ST6GALNAC5: variants seen among roughly 807,000 people sequenced by gnomAD.
ST6GALNAC5 encodes the protein alpha-N-acetylgalactosaminide alpha-2,6-sialyltransferase 5.
Under a neutral mutation model 33.6 loss-of-function variants are expected in ST6GALNAC5, and 27 were observed. The ratio of observed to expected loss-of-function variants is 0.80; its 90% CI spans 0.59 to 1.11. ST6GALNAC5 has a LOEUF of 1.11. ST6GALNAC5 is among the 50% of genes least tolerant of loss of function. ST6GALNAC5 has a pLI of 0.00. For synonymous variants in ST6GALNAC5, 194 were observed against 171.2 expected (o/e 1.13, Z -1.04); for missense variants, 428 against 454.0 (o/e 0.94, Z 0.52).
In ST6GALNAC5 at chr1:76,868,606, A is replaced by G. The variant is rs1301106843; in HGVS notation, c.125A>G (p.Gln42Arg). The change falls in exon 2 of 5, where the codon CAG becomes CGG. Residue 42 changes from glutamine (Q) to arginine (R), a missense_variant. Coordinates refer to ENST00000477717, the MANE Select transcript of ST6GALNAC5 (RefSeq NM_030965.3). The surrounding 1 kb of genome is among the most constrained non-coding windows in gnomAD (Gnocchi z 4.3). ...QKERPPQQQQQQQQQQQQASA... is the reference protein window; with the variant it reads ...QKERPPQQQQRQQQQQQQASA... ...GAGCGGCCCCCGCAGCAGCAGCAGC[A>G]GCAGCAGCAACAGCAGCAGCAGGCG... The G allele has an allele frequency of 6.2e-7, 1 of 1,610,926 alleles. No individual in the cohort carries two copies. Among genetic ancestry groups the G allele is most frequent in the Non-Finnish European group, 8.5e-7 (1 of 1,179,378 alleles).
chr1:76,867,789 G>T (rs1458220357), intron 1 of ST6GALNAC5, 99 bp downstream of exon 1: 2 of 1,564,656 alleles, frequency 1.3e-6, no homozygotes, highest in Non-Finnish European at 1.8e-6. Context: ...CTAACCCTGG[G>T]CCGCGAGGTC....
At chr1:76,886,759 A>G (rs1439282834) in intron 2 of ST6GALNAC5, among the ~76,000 whole-genome samples, 1 of 152,190 alleles carries the variant, frequency 6.6e-6, no homozygotes, top group East Asian at 1.9e-4. Context: ...GTCTCTATGA[A>G]TTTGGCTGTT....
In ST6GALNAC5 at chr1:77,067,213, C is replaced by T. The variant is rs1652809376; in HGVS notation, c.*4007C>T. ...AGGTGTTAGCACATGCCAGAAGGTA[C>T]TTTGGAATGGAAAGAGGTGAGAGTG... is the stretch of plus-strand genomic sequence containing the variant. On this transcript the variant is annotated 3_prime_UTR_variant, in exon 5 of 5. Coordinates refer to ENST00000477717, the MANE Select transcript of ST6GALNAC5 (RefSeq NM_030965.3). Among the ~76,000 whole-genome samples the T allele has an allele frequency of 6.6e-6, 1 of 152,136 alleles. No homozygotes were observed. The highest frequency in any genetic ancestry group is 1.5e-5 in the Non-Finnish European group (1 of 68,024).
chr1:77,005,176 C>T (rs1364912395), intron 2 of ST6GALNAC5, among the ~76,000 whole-genome samples: 4 of 152,236 alleles, frequency 2.6e-5, no homozygotes, highest in Non-Finnish European at 2.9e-5. Flanking sequence ...AAGCCAGGTG[C>T]GGGATATAAT....
At chr1:76,998,831 CGT>C (rs1394499642) in intron 2 of ST6GALNAC5, among the ~76,000 whole-genome samples, 2 of 152,104 alleles carry the variant, frequency 1.3e-5, no homozygotes, top group African/African-American at 4.8e-5. Flanking sequence ...TAGTTTCTGC[CGT>C]TTGAATTACC....
At chr1:76,873,899 G>A (rs1040609102) in intron 2 of ST6GALNAC5, among the ~76,000 whole-genome samples, 4 of 152,152 alleles carry the variant, frequency 2.6e-5, no homozygotes, top group African/African-American at 9.7e-5. Flanking sequence ...TCAAAATTGA[G>A]CATTCTGGAG....
chr1:76,934,472 G>T (rs1024422214), intron 2 of ST6GALNAC5, among the ~76,000 whole-genome samples: 1 of 151,978 alleles, frequency 6.6e-6, no homozygotes, highest in African/African-American at 2.4e-5. Context: ...AAGACATATG[G>T]TAATTACTAT....
chr1:76,881,671 A>C (rs1381515588), intron 2 of ST6GALNAC5, among the ~76,000 whole-genome samples: 1 of 152,168 alleles, frequency 6.6e-6, no homozygotes, highest in Non-Finnish European at 1.5e-5. Flanking sequence ...ATATCTACAT[A>C]AAGATTTTGT....
chr1:76,948,943 G>C (rs1288670737), intron 2 of ST6GALNAC5, among the ~76,000 whole-genome samples: 1 of 152,078 alleles, frequency 6.6e-6, no homozygotes, highest in Non-Finnish European at 1.5e-5. Flanking sequence ...CCAATATTTT[G>C]GATGTCTCCC....
rs375124242 is a variant in ST6GALNAC5, at chr1:76,999,067, T to C, written c.262-45137T>C. ...TCAATTTATTCTTGTTCCAATACTG[T>C]AGGAAAATAAAAAGGTTAAAATTAC... On this transcript the variant is annotated intron_variant, in intron 2 of 4. Coordinates refer to ENST00000477717, the MANE Select transcript of ST6GALNAC5 (RefSeq NM_030965.3). Among the ~76,000 whole-genome samples, 157 of 152,252 alleles carry C rather than the reference T, an allele frequency of 1.0e-3. 3 individuals are homozygous for C. The South Asian group carries it at 0.032, about 31-fold the overall frequency.
At chr1:76,879,266 T>A (rs954234405) in intron 2 of ST6GALNAC5, among the ~76,000 whole-genome samples, 3 of 152,166 alleles carry the variant, frequency 2.0e-5, no homozygotes, top group Non-Finnish European at 4.4e-5. Context: ...TCACTCACAG[T>A]GAGTCATCTT....
chr1:76,913,305 C>T (rs1168401301), intron 2 of ST6GALNAC5, among the ~76,000 whole-genome samples: 1 of 151,454 alleles, frequency 6.6e-6, no homozygotes, highest in African/African-American at 2.5e-5. Context: ...GTCTGATGGG[C>T]TTCTCTTTGT....
At chr1:76,895,320 G>A (rs111417184) in intron 2 of ST6GALNAC5, among the ~76,000 whole-genome samples, 3 of 152,194 alleles carry the variant, frequency 2.0e-5, no homozygotes, top group East Asian at 1.9e-4. Context: ...GAGAATGGGC[G>A]ATGTTTCTCA....
intron 2 of ST6GALNAC5, among the ~76,000 whole-genome samples, chr1:76,973,250 A>G (rs1422399941): frequency 6.6e-6 from 1 of 151,936 alleles, no homozygotes; most frequent in Non-Finnish European, 1.5e-5. Context: ...AATTATATAA[A>G]GAAACTTATT....
chr1:76,896,494 G>A (rs948304011), intron 2 of ST6GALNAC5, among the ~76,000 whole-genome samples: 4 of 152,188 alleles, frequency 2.6e-5, no homozygotes, highest in African/African-American at 4.8e-5. Context: ...AGCATAGCCT[G>A]CCTTTGGTGG....
chr1:76,963,953 A>G (rs2100353921), intron 2 of ST6GALNAC5, among the ~76,000 whole-genome samples: 1 of 152,258 alleles, frequency 6.6e-6, no homozygotes, highest in South Asian at 2.1e-4. Flanking sequence ...CCCCAGGAGA[A>G]TGGTAAGAGA....
At chr1:76,903,250 A>C (rs991812931) in intron 2 of ST6GALNAC5, among the ~76,000 whole-genome samples, 2 of 152,220 alleles carry the variant, frequency 1.3e-5, no homozygotes, top group African/African-American at 4.8e-5. Context: ...GTATCTCCAT[A>C]GAAGGCATAC....
At chr1:76,901,292 T>C (rs1018679356) in intron 2 of ST6GALNAC5, among the ~76,000 whole-genome samples, 3 of 152,208 alleles carry the variant, frequency 2.0e-5, no homozygotes, top group African/African-American at 7.2e-5. Flanking sequence ...CACAACATGC[T>C]GGTCAGCCTT....
intron 2 of ST6GALNAC5, among the ~76,000 whole-genome samples, chr1:76,916,418 A>G (rs540990566): frequency 6.6e-6 from 1 of 152,326 alleles, no homozygotes; most frequent in South Asian, 2.1e-4. Context: ...TTCAAGTGCT[A>G]TACATTGGTC....
Sources: allele counts gnomAD v4.1 joint callset (sites outside exome capture counted in the v4.1 genomes callset), GRCh38; gene constraint gnomAD v4.1.1; non-coding constraint Gnocchi (gnomAD v3.1); transcripts MANE v1.5; gene names NCBI Gene and HGNC (gene_info 2026-07-23, HGNC 2026-07-21).